Variants in SULT2B1 observed in about 807,000 individuals in gnomAD.
SULT2B1 encodes the protein sulfotransferase family 2B member 1.
Under a neutral mutation model 33.2 loss-of-function variants are expected in SULT2B1, and 16 were observed. That is an observed-to-expected ratio of 0.48 (90% CI 0.33 to 0.73). The LOEUF is 0.73. Ranked by LOEUF, SULT2B1 falls within the 30% of genes least tolerant of loss-of-function variation. The pLI, the probability that SULT2B1 is intolerant of heterozygous loss-of-function variation, is 0.02. For synonymous variants in SULT2B1, 186 were observed against 200.5 expected (o/e 0.93, Z 0.61); for missense variants, 500 against 506.0 (o/e 0.99, Z 0.11).
At chr19:48,593,551 C>CA in intron 5 of SULT2B1, among the ~76,000 whole-genome samples, 1 of 151,706 alleles carries the variant, frequency 6.6e-6, no homozygotes, top group Non-Finnish European at 1.5e-5. Context: ...GACCTTGTTC[C>CA]AAAAAATAGA....
In SULT2B1 at chr19:48,576,357, C is replaced by CTTTTCTT. The variant is rs59055065; in HGVS notation, c.214+275_214+276insTTTCTTT. On this transcript the variant is annotated intron_variant, in intron 2 of 6. Coordinates refer to ENST00000201586, the MANE Select transcript of SULT2B1 (RefSeq NM_177973.2). ...TCCCTTTCCCCTTTACCCTCTACTT[C>CTTTTCTT]TCTTTTTTTTTTTTTTTTTTGTAGA... Among the ~76,000 whole-genome samples the CTTTTCTT allele has an allele frequency of 8.3e-4, 95 of 114,870 alleles. 9 individuals carry two copies. Among genetic ancestry groups the CTTTTCTT allele is most frequent in the African/African-American group, 2.4e-3 (71 of 29,972 alleles). 75.4% of individuals were successfully genotyped at this position (114,870 alleles called of 152,430 possible). A position where few individuals can be genotyped will look rare whatever the true frequency, so the allele number is the denominator to read the frequency against.
intron 1 of SULT2B1, among the ~76,000 whole-genome samples, chr19:48,573,639 C>T (rs967147670): frequency 6.6e-6 from 1 of 151,978 alleles, no homozygotes; most frequent in Admixed American, 6.6e-5. Flanking sequence ...CTGCTCGGTG[C>T]ATTTGGAGGT....
chr19:48,571,968 T>C (rs1212553580), intron 1 of SULT2B1, among the ~76,000 whole-genome samples: 1 of 152,180 alleles, frequency 6.6e-6, no homozygotes, highest in African/African-American at 2.4e-5. Context: ...GGGGACTATA[T>C]TAACCTCTCT....
intron 1 of SULT2B1, among the ~76,000 whole-genome samples, chr19:48,563,985 GGAA>G (rs1297488119): frequency 7.9e-4 from 119 of 149,700 alleles, no homozygotes; most frequent in African/African-American, 2.7e-3. Flanking sequence ...CAAAAGAAGA[GGAA>G]GAAGAAGAAG....
chr19:48,562,218 T>C (rs279445), intron 1 of SULT2B1, among the ~76,000 whole-genome samples: 7,756 of 151,938 alleles, frequency 0.051, 635 homozygotes, highest in African/African-American at 0.18. Context: ...AAAACCCCGT[T>C]TCTACTAAAA....
intron 3 of SULT2B1, among the ~76,000 whole-genome samples, chr19:48,589,816 C>T (rs1973619533): frequency 6.6e-6 from 1 of 152,154 alleles, no homozygotes. Context: ...AAAAATTCGT[C>T]ACGTGTAGTG....
Position 48,574,906 on chromosome 19 carries a change from A to C in SULT2B1, c.72-1035A>C, listed in dbSNP as rs184257455. Among the ~76,000 whole-genome samples the C allele has an allele frequency of 1.5e-3, 232 of 152,256 alleles. 2 individuals carry two copies. Among genetic ancestry groups the C allele is most frequent in the African/African-American group, 5.2e-3 (218 of 41,542 alleles). ...TCCGCGCCCACGCTCAACCTATGGG[A>C]TAACTGATGACATCACTGAACAAAC... On this transcript the variant is annotated intron_variant, in intron 1 of 6. Transcript: ENST00000201586.
chr19:48,575,758 G>T, intron 1 of SULT2B1, 183 bp from the exon 2 acceptor site: 1 of 1,089,672 alleles, frequency 9.2e-7, no homozygotes, highest in East Asian at 2.8e-5. Context: ...TGGGATTACA[G>T]GAGTGTGCCA....
chr19:48,590,510 G>T (rs1454839345), intron 3 of SULT2B1, among the ~76,000 whole-genome samples: 1 of 152,158 alleles, frequency 6.6e-6, no homozygotes, highest in African/African-American at 2.4e-5. Flanking sequence ...GCTGAGGCAG[G>T]AGAATTGCTT....
chr19:48,575,267 C>T (rs1347135487), intron 1 of SULT2B1, among the ~76,000 whole-genome samples: 1 of 150,452 alleles, frequency 6.6e-6, no homozygotes, highest in East Asian at 2.0e-4. Context: ...CACCACCACA[C>T]CTGGCTAATT....
chr19:48,564,646 A>G (rs909423431), intron 1 of SULT2B1, among the ~76,000 whole-genome samples: 2 of 151,596 alleles, frequency 1.3e-5, no homozygotes, highest in Non-Finnish European at 2.9e-5. Flanking sequence ...GCCCACCACC[A>G]CTAAAATTTG....
chr19:48,584,372 C>T (rs993071132), intron 2 of SULT2B1, among the ~76,000 whole-genome samples: 2 of 152,196 alleles, frequency 1.3e-5, no homozygotes, highest in Admixed American at 1.3e-4. Context: ...TAGTGCAGGG[C>T]TGGCCCCTGT....
At chr19:48,553,304 CTTATT>C (rs943363022) in intron 1 of SULT2B1, among the ~76,000 whole-genome samples, 2 of 152,080 alleles carry the variant, frequency 1.3e-5, no homozygotes, top group Admixed American at 6.6e-5. Context: ...TCATTCCTTT[CTTATT>C]TTATTTTATT....
At chr19:48,581,207 AT>A (rs35186872) in intron 2 of SULT2B1, among the ~76,000 whole-genome samples, 82,348 of 135,968 alleles carry the variant, frequency 0.61, 25,901 homozygotes, top group South Asian at 0.73. Flanking sequence ...TGGTTTTTGC[AT>A]TTTTTTTTTT....
chr19:48,569,962 A>G (rs780032109), intron 1 of SULT2B1, among the ~76,000 whole-genome samples: 1 of 152,082 alleles, frequency 6.6e-6, no homozygotes, highest in Non-Finnish European at 1.5e-5. Flanking sequence ...CACCTCGTCA[A>G]GATTGTTAAT....
At chr19:48,567,930 G>T (rs1031642853) in intron 1 of SULT2B1, among the ~76,000 whole-genome samples, 1 of 151,648 alleles carries the variant, frequency 6.6e-6, no homozygotes, top group Non-Finnish European at 1.5e-5. Flanking sequence ...AGCTGTGACC[G>T]CATCACTGCA....
chr19:48,593,770 G>A (rs1351074851), intron 5 of SULT2B1, among the ~76,000 whole-genome samples: 1 of 149,752 alleles, frequency 6.7e-6, no homozygotes, highest in Non-Finnish European at 1.5e-5. Flanking sequence ...AAGCAGCTGG[G>A]ATTACAGGCA....
intron 6 of SULT2B1, among the ~76,000 whole-genome samples, chr19:48,597,206 C>T (rs1027285404): frequency 6.6e-6 from 1 of 152,098 alleles, no homozygotes; most frequent in African/African-American, 2.4e-5. Flanking sequence ...TTCATGAGTC[C>T]TCCTCGACGG....
At chr19:48,590,646 A>G (rs929041469) in intron 3 of SULT2B1, among the ~76,000 whole-genome samples, 9 of 151,898 alleles carry the variant, frequency 5.9e-5, no homozygotes, top group Non-Finnish European at 1.2e-4. Flanking sequence ...ATTAGGAAAT[A>G]CCTCTCAGGA....
Sources: allele counts gnomAD v4.1 joint callset (sites outside exome capture counted in the v4.1 genomes callset), GRCh38; gene constraint gnomAD v4.1.1; transcripts MANE v1.5; gene names NCBI Gene and HGNC (gene_info 2026-07-23, HGNC 2026-07-21).